The following BRWD1 variants were observed in gnomAD, a reference collection of about 807,000 sequenced individuals.
The protein encoded by BRWD1 is bromodomain and WD repeat domain containing 1.
A neutral mutation model predicts 251.2 loss-of-function variants in BRWD1; 82 were observed. The ratio of observed to expected loss-of-function variants is 0.33; its 90% CI spans 0.27 to 0.39. The LOEUF (loss-of-function observed/expected upper bound fraction) is 0.39, where lower values mean the gene tolerates loss of function less well. Ranked by LOEUF, BRWD1 falls within the 10% of genes least tolerant of loss-of-function variation. The pLI is 1.00. For missense variants in BRWD1, 2,233 were observed against 2,711.6 expected (o/e 0.82, Z 3.92); for synonymous variants, 918 against 902.8 (o/e 1.02, Z -0.30).
rs2031779912 is a variant in BRWD1, at chr21:39,195,760, A to G, written c.*499T>C. ...AGGGGAAGAAAAAAAAAAAAGTGGT[A>G]GGTACCTCGCCTACTAATCATGGTT... On this transcript the variant is annotated 3_prime_UTR_variant, in exon 41 of 41. Coordinates refer to ENST00000342449, the MANE Select transcript of BRWD1 (RefSeq NM_033656.4). The G allele has an allele frequency of 2.0e-6, 2 of 984,840 alleles. No individual in the cohort carries two copies. Among genetic ancestry groups the G allele is most frequent in the Non-Finnish European group, 1.2e-6 (1 of 829,386 alleles). 61.0% of individuals were successfully genotyped at this position (984,840 alleles called of 1,614,324 possible).
intron 20 of BRWD1, among the ~76,000 whole-genome samples, chr21:39,249,021 ACT>A (rs2146605765): frequency 6.6e-6 from 1 of 151,816 alleles, no homozygotes; most frequent in East Asian, 1.9e-4. Context: ...ACTATGGAAT[ACT>A]ACCCAGCCAT....
At chr21:39,261,473 C>T (rs2034743794) in intron 17 of BRWD1, among the ~76,000 whole-genome samples, 1 of 152,174 alleles carries the variant, frequency 6.6e-6, no homozygotes, top group South Asian at 2.1e-4. Flanking sequence ...ATAACTCCTA[C>T]TATTTTGGTG....
chr21:39,250,177 C>CAGTA (rs892784194), intron 20 of BRWD1, among the ~76,000 whole-genome samples: 10 of 151,960 alleles, frequency 6.6e-5, no homozygotes, highest in African/African-American at 2.4e-4. Flanking sequence ...ACAGATAGAA[C>CAGTA]AGTAATCCCA....
chr21:39,280,399 T>C lies in BRWD1; in HGVS notation c.832-151A>G, dbSNP rs2035418725. ...TAATACTACCGTAGTGAAAAAATCA[T>C]AACCTCTCCACATTCATTTATATGT... On this transcript the variant is annotated intron_variant, in intron 8 of 40. Coordinates refer to ENST00000342449, the MANE Select transcript of BRWD1 (RefSeq NM_033656.4). 1.3e-5 allele frequency: 8 copies of C among 620,574 alleles called. No individual in the cohort carries two copies. In the South Asian group the frequency reaches 1.6e-4, roughly 12 times the overall value. 38.4% of individuals were successfully genotyped at this position (620,574 alleles called of 1,614,324 possible).
At chr21:39,282,019 C>A (rs1017406137) in intron 8 of BRWD1, among the ~76,000 whole-genome samples, 1 of 151,096 alleles carries the variant, frequency 6.6e-6, no homozygotes, top group Non-Finnish European at 1.5e-5. Context: ...TCAACATATA[C>A]GTCTATGTAT....
intron 18 of BRWD1, among the ~76,000 whole-genome samples, chr21:39,257,933 T>A (rs180792450): frequency 2.6e-5 from 4 of 152,314 alleles, no homozygotes; most frequent in Admixed American, 2.6e-4. Flanking sequence ...CAAAGTCTTA[T>A]GCTGTAAGTT....
intron 20 of BRWD1, among the ~76,000 whole-genome samples, 180 bp from the exon 21 acceptor site, chr21:39,248,012 T>A (rs1164666227): frequency 6.6e-6 from 1 of 152,130 alleles, no homozygotes; most frequent in Non-Finnish European, 1.5e-5. Flanking sequence ...ACTTTTAAGG[T>A]CCTTAGAAAA....
chr21:39,195,862 A>G lies in BRWD1; in HGVS notation c.*397T>C, dbSNP rs1177476843. 7 of 990,430 alleles carry G rather than the reference A, an allele frequency of 7.1e-6. No homozygotes were observed. The East Asian group carries it at 6.7e-4, about 95-fold the overall frequency. The allele number at this position is 990,430 out of a possible 1,614,324, so 61.4% of individuals were successfully genotyped here. On this transcript the variant is annotated 3_prime_UTR_variant, in exon 41 of 41. Transcript: ENST00000342449. ...AAACATAGGTTGTGAAATTGTTGTA[A>G]CTACTATAGAACAGGGGTTAGAAAC...
intron 21 of BRWD1, among the ~76,000 whole-genome samples, 192 bp from the exon 22 acceptor site, chr21:39,238,765 A>C (rs550178034): frequency 2.0e-5 from 3 of 152,358 alleles, no homozygotes; most frequent in African/African-American, 7.2e-5. Flanking sequence ...TCAAAGCATA[A>C]GACAAAAAGA....
chr21:39,252,240 ACTCCGT>A (rs2034418976), intron 19 of BRWD1, among the ~76,000 whole-genome samples: 1 of 131,740 alleles, frequency 7.6e-6, no homozygotes, highest in African/African-American at 2.9e-5. Flanking sequence ...CAAAAGCAGA[ACTCCGT>A]CTCAAAAAAA....
intron 20 of BRWD1, 151 bp from the exon 21 acceptor site, chr21:39,247,983 AC>A: frequency 1.1e-6 from 1 of 935,560 alleles, no homozygotes; most frequent in South Asian, 2.5e-5. Context: ...TACAGTTTTA[AC>A]TCAAGCTTAG....
chr21:39,292,115 T>TGGGGG (rs1601477074), intron 8 of BRWD1, among the ~76,000 whole-genome samples: 2 of 10,276 alleles, frequency 1.9e-4, no homozygotes, highest in East Asian at 0.014. Flanking sequence ...CTATTTTTTG[T>TGGGGG]GGGGGGTGGG....
At chr21:39,251,059 T>C (rs1204518638) in intron 19 of BRWD1, among the ~76,000 whole-genome samples, 170 bp from the exon 20 acceptor site, 1 of 152,148 alleles carries the variant, frequency 6.6e-6, no homozygotes, top group Admixed American at 6.5e-5. Context: ...ATAAATAAAA[T>C]CTCAGAGGCA....
In BRWD1 at chr21:39,194,337, G is replaced by A. The variant is rs1312078753; in HGVS notation, c.*1922C>T. On this transcript the variant is annotated 3_prime_UTR_variant, in exon 41 of 41. Transcript: ENST00000342449. ...CTGAGAACAGATTATAAAAGAGAAG[G>A]TTAAGAAGAGTTTAAATAAATTAAT... 7.7e-6 allele frequency: 8 copies of A among 1,036,040 alleles called. No homozygotes were observed. The highest frequency in any genetic ancestry group is 5.1e-5 in the African/African-American group (3 of 58,718). The allele number at this position is 1,036,040 out of a possible 1,614,324, so 64.2% of individuals were successfully genotyped here.
intron 12 of BRWD1, among the ~76,000 whole-genome samples, chr21:39,275,413 A>G (rs553996812): frequency 6.6e-6 from 1 of 152,324 alleles, no homozygotes; most frequent in Admixed American, 6.5e-5. Flanking sequence ...AAGAAAAACT[A>G]CTTTTGGTCG....
At chr21:39,309,824 CAAAAAAA>C (rs10709480) in intron 4 of BRWD1, among the ~76,000 whole-genome samples, 2 of 75,242 alleles carry the variant, frequency 2.7e-5, no homozygotes, top group African/African-American at 1.1e-4. Context: ...GACTCCGTCT[CAAAAAAA>C]AAAAAAAAAA....
chr21:39,241,682 T>G (rs9975909), intron 21 of BRWD1, among the ~76,000 whole-genome samples: 15,465 of 151,992 alleles, frequency 0.1, 923 homozygotes, highest in East Asian at 0.15. Context: ...ACAGGCATAC[T>G]TTTTATCGTG....
chr21:39,224,770 G>A (rs527716656), intron 28 of BRWD1, among the ~76,000 whole-genome samples: 2 of 152,088 alleles, frequency 1.3e-5, no homozygotes, highest in East Asian at 1.9e-4. Context: ...ATGAAGAGGC[G>A]TCAAAGGTTT....
At chr21:39,319,435 AGT>A (rs1327340136) in intron 1 of BRWD1, among the ~76,000 whole-genome samples, 11 of 152,322 alleles carry the variant, frequency 7.2e-5, no homozygotes, top group African/African-American at 2.6e-4. Flanking sequence ...GAGAAAACAC[AGT>A]GTGGTTGGAC....
Sources: allele counts gnomAD v4.1 joint callset (sites outside exome capture counted in the v4.1 genomes callset), GRCh38; gene constraint gnomAD v4.1.1; transcripts MANE v1.5; gene names NCBI Gene and HGNC (gene_info 2026-07-23, HGNC 2026-07-21).